ADIPOR2: variants seen among roughly 807,000 people sequenced by gnomAD.
The protein encoded by ADIPOR2 is adiponectin receptor protein 2.
In ADIPOR2, 18 loss-of-function variants were observed where a neutral mutation model predicts 40.9. The ratio of observed to expected loss-of-function variants is 0.44; its 90% CI spans 0.30 to 0.65. The LOEUF is 0.65. Among genes scored for constraint, ADIPOR2 ranks in the 30% least tolerant of loss-of-function variants. ADIPOR2 has a pLI of 0.09. For synonymous variants in ADIPOR2, 165 were observed against 166.4 expected (o/e 0.99, Z 0.06); for missense variants, 283 against 479.2 (o/e 0.59, Z 3.82).
At chr12:1,770,513 TGCCC>T (rs1862475637) in intron 2 of ADIPOR2, among the ~76,000 whole-genome samples, 1 of 152,242 alleles carries the variant, frequency 6.6e-6, no homozygotes, top group South Asian at 2.1e-4. Flanking sequence ...TTCAAGCTAT[TGCCC>T]GTTTTCAGGT....
intron 1 of ADIPOR2, among the ~76,000 whole-genome samples, chr12:1,752,346 A>C (rs2094771315): frequency 7.6e-6 from 1 of 131,694 alleles, no homozygotes; most frequent in Non-Finnish European, 1.6e-5. Flanking sequence ...TAATCCTCTC[A>C]CCTTGGCCTC....
intron 1 of ADIPOR2, among the ~76,000 whole-genome samples, chr12:1,729,619 T>TTTTG (rs2094715555): frequency 2.8e-5 from 1 of 35,540 alleles, no homozygotes; most frequent in African/African-American, 6.9e-5. Flanking sequence ...AGCCAGTTGT[T>TTTTG]TTTTTTTTTT....
chr12:1,785,468 C>T (rs1862807519), intron 7 of ADIPOR2, among the ~76,000 whole-genome samples: 1 of 152,232 alleles, frequency 6.6e-6, no homozygotes. Flanking sequence ...GTTTTTCTAA[C>T]AGAGAGCAAC....
chr12:1,759,513 AT>A (rs1406635419), intron 2 of ADIPOR2, among the ~76,000 whole-genome samples: 1 of 152,226 alleles, frequency 6.6e-6, no homozygotes, highest in African/African-American at 2.4e-5. Flanking sequence ...TAAGGTAATT[AT>A]GTGCATTACA....
At chr12:1,719,061 T>G (rs1232528561) in intron 1 of ADIPOR2, among the ~76,000 whole-genome samples, 1 of 152,230 alleles carries the variant, frequency 6.6e-6, no homozygotes, top group African/African-American at 2.4e-5. Context: ...ATCTAGGTGT[T>G]GCTCCTTCTC....
intron 1 of ADIPOR2, among the ~76,000 whole-genome samples, chr12:1,723,345 A>G (rs1310303374): frequency 4.0e-5 from 6 of 151,850 alleles, no homozygotes; most frequent in Admixed American, 3.3e-4. Context: ...AAAAATGTGG[A>G]AGGGCTGGGC....
intron 1 of ADIPOR2, among the ~76,000 whole-genome samples, chr12:1,735,545 G>T (rs893397608): frequency 1.3e-5 from 2 of 152,060 alleles, no homozygotes; most frequent in Non-Finnish European, 2.9e-5. Context: ...CTGCAAACAG[G>T]GACAGTTTGA....
chr12:1,748,251 A>G (rs774119005), intron 1 of ADIPOR2, among the ~76,000 whole-genome samples: 5 of 151,260 alleles, frequency 3.3e-5, no homozygotes, highest in Non-Finnish European at 7.4e-5. Context: ...TTTATTATTT[A>G]TTTATTCTTT....
chr12:1,721,177 G>A (rs1421473390), intron 1 of ADIPOR2, among the ~76,000 whole-genome samples: 3 of 146,474 alleles, frequency 2.0e-5, no homozygotes, highest in Admixed American at 6.9e-5. Flanking sequence ...TCATGGGAGC[G>A]TCCTCAACCT....
chr12:1,721,269 G>A (rs1592586982), intron 1 of ADIPOR2, among the ~76,000 whole-genome samples: 1 of 126,540 alleles, frequency 7.9e-6, no homozygotes, highest in African/African-American at 3.2e-5. Flanking sequence ...AGGCTGGAGT[G>A]CAGTGGCACG....
At chr12:1,778,061 C>G in intron 4 of ADIPOR2, 36 bp downstream of exon 4, 6 of 1,570,448 alleles carry the variant, frequency 3.8e-6, no homozygotes, top group Non-Finnish European at 5.2e-6. Context: ...GCTGGTGATT[C>G]ACTTTCTTCC....
intron 1 of ADIPOR2, among the ~76,000 whole-genome samples, chr12:1,708,743 A>G (rs1279890254): frequency 7.3e-6 from 1 of 136,104 alleles, no homozygotes; most frequent in African/African-American, 2.5e-5. Context: ...TTTTTGAGAC[A>G]GAGTCTTGTT....
At chr12:1,769,751 A>G (rs1253623970) in intron 2 of ADIPOR2, among the ~76,000 whole-genome samples, 1 of 152,098 alleles carries the variant, frequency 6.6e-6, no homozygotes, top group East Asian at 1.9e-4. Context: ...CACGTTGGCC[A>G]GGCTGGTCTC....
intron 1 of ADIPOR2, among the ~76,000 whole-genome samples, chr12:1,724,489 GAA>G (rs2094703981): frequency 6.6e-6 from 1 of 152,172 alleles, no homozygotes; most frequent in South Asian, 2.1e-4. Flanking sequence ...GGGTTGAGGA[GAA>G]GAGGGAATGG....
chr12:1,738,209 C>CA (rs56395738), intron 1 of ADIPOR2, among the ~76,000 whole-genome samples: 14,502 of 85,556 alleles, frequency 0.17, 1,085 homozygotes, highest in Admixed American at 0.25. Flanking sequence ...CCTGTCTCTA[C>CA]AAAAAAAAAA....
intron 1 of ADIPOR2, among the ~76,000 whole-genome samples, chr12:1,698,232 G>GTGTA (rs1315008499): frequency 1.6e-4 from 24 of 147,930 alleles, no homozygotes; most frequent in Non-Finnish European, 3.1e-4. Flanking sequence ...GTGTGTGTGT[G>GTGTA]TGTGTGTATT....
At chr12:1,749,205 A>G (rs1384995204) in intron 1 of ADIPOR2, among the ~76,000 whole-genome samples, 1 of 152,220 alleles carries the variant, frequency 6.6e-6, no homozygotes, top group African/African-American at 2.4e-5. Flanking sequence ...TGCTCCACCC[A>G]CCAGGAACCT....
chr12:1,762,944 A>G (rs1487186465), intron 2 of ADIPOR2, among the ~76,000 whole-genome samples: 2 of 152,240 alleles, frequency 1.3e-5, no homozygotes, highest in Admixed American at 6.5e-5. Flanking sequence ...TTTAAAATAC[A>G]TTATTTCCAT....
At position 1,715,817 on chromosome 12, in the gene ADIPOR2, T is replaced by C. The variant is rs542267314; in HGVS notation, c.-87+24626T>C. 2.6e-5 allele frequency among the ~76,000 whole-genome samples: 4 copies of C among 152,310 alleles called. No individual in the cohort carries two copies. The East Asian group carries it at 7.7e-4, about 29-fold the overall frequency. ...TGTAAAAATGCACCAGTCAGTGCTC[T>C]GTGGCTAGCTAGAGGTTTGTAAAAT... is the stretch of plus-strand genomic sequence containing the variant. On this transcript the variant is annotated intron_variant, in intron 1 of 7. Transcript: ENST00000357103.
Sources: allele counts gnomAD v4.1 joint callset (sites outside exome capture counted in the v4.1 genomes callset), GRCh38; gene constraint gnomAD v4.1.1; transcripts MANE v1.5; gene names NCBI Gene and HGNC (gene_info 2026-07-23, HGNC 2026-07-21).